NKAIN2: variants seen among roughly 807,000 people sequenced by gnomAD.
NKAIN2 encodes sodium/potassium transporting ATPase interacting 2, also known as sodium/potassium-transporting ATPase subunit beta-1-interacting protein 2.
Under a neutral mutation model 32.6 loss-of-function variants are expected in NKAIN2, and 14 were observed. That is an observed-to-expected ratio of 0.43 (90% CI 0.28 to 0.67). NKAIN2 has a LOEUF of 0.67. Among genes scored for constraint, NKAIN2 ranks in the 30% least tolerant of loss-of-function variants. The pLI is 0.17. For synonymous variants in NKAIN2, 80 were observed against 87.2 expected, an observed-to-expected ratio of 0.92 and a Z score of 0.46; for missense variants, 198 against 258.3, an observed-to-expected ratio of 0.77 and a Z score of 1.60.
chr6:124,278,031 TTTGA>T (rs1795120757), intron 1 of NKAIN2, among the ~76,000 whole-genome samples: 1 of 152,080 alleles, frequency 6.6e-6, no homozygotes, highest in Non-Finnish European at 1.5e-5. Context: ...TGGAAGAAAA[TTTGA>T]TTAAGAAATA....
At chr6:124,645,766 A>G (rs1435073018) in intron 3 of NKAIN2, among the ~76,000 whole-genome samples, 1 of 152,220 alleles carries the variant, frequency 6.6e-6, no homozygotes, top group African/African-American at 2.4e-5. Context: ...AAGAATAAAC[A>G]TAATAGAAAA....
At chr6:124,043,322 A>G (rs1427100708) in intron 1 of NKAIN2, among the ~76,000 whole-genome samples, 1 of 152,090 alleles carries the variant, frequency 6.6e-6, no homozygotes, top group Non-Finnish European at 1.5e-5. Context: ...TGACAGAGTG[A>G]AACTCTGTCT....
intron 3 of NKAIN2, among the ~76,000 whole-genome samples, chr6:124,413,813 T>G (rs1294950572): frequency 6.6e-6 from 1 of 152,184 alleles, no homozygotes; most frequent in Non-Finnish European, 1.5e-5. Flanking sequence ...AAATGGTATT[T>G]TTATTTCCAT....
intron 4 of NKAIN2, among the ~76,000 whole-genome samples, chr6:124,760,432 A>T (rs2114733594): frequency 6.9e-6 from 1 of 144,930 alleles, no homozygotes; most frequent in South Asian, 2.2e-4. Flanking sequence ...AAAAAAAAAT[A>T]GGCATCTCCT....
chr6:124,465,426 G>A (rs549547582), intron 3 of NKAIN2, among the ~76,000 whole-genome samples: 5 of 151,856 alleles, frequency 3.3e-5, no homozygotes, highest in African/African-American at 7.3e-5. Flanking sequence ...AGTGGGAGTC[G>A]AACAATGAGA....
Position 124,408,978 on chromosome 6 carries a change from T to C in NKAIN2, c.273+53631T>C, listed in dbSNP as rs557558576. On this transcript the variant is annotated intron_variant, in intron 3 of 6. Transcript: ENST00000368417. ...GAAGCAATTGTGAATGGGAGTTCAC[T>C]CATGATTTGGCTGTTTGTCTGTTAT... Among the ~76,000 whole-genome samples the C allele has an allele frequency of 2.0e-5, 3 of 152,326 alleles. No homozygotes were observed. In the South Asian group the frequency reaches 6.2e-4, roughly 32 times the overall value.
chr6:123,880,810 A>G (rs1176678169), intron 1 of NKAIN2, among the ~76,000 whole-genome samples: 1 of 152,186 alleles, frequency 6.6e-6, no homozygotes, highest in Non-Finnish European at 1.5e-5. Context: ...AGGTGTTTAA[A>G]ATTTTTCATC....
chr6:124,280,627 A>C (rs56255637), intron 1 of NKAIN2, among the ~76,000 whole-genome samples: 7,800 of 152,252 alleles, frequency 0.051, 249 homozygotes, highest in Admixed American at 0.081. Flanking sequence ...AAGCCCCAGC[A>C]TACAGTAGGT....
chr6:124,757,611 C>T (rs1778026933), intron 4 of NKAIN2, among the ~76,000 whole-genome samples: 2 of 151,652 alleles, frequency 1.3e-5, no homozygotes, highest in South Asian at 4.2e-4. Flanking sequence ...AGAATTAAAA[C>T]AGGCTTCTTT....
intron 3 of NKAIN2, among the ~76,000 whole-genome samples, chr6:124,534,956 C>T (rs993249370): frequency 3.9e-5 from 6 of 152,112 alleles, no homozygotes; most frequent in African/African-American, 7.2e-5. Context: ...ATAGTATTTG[C>T]GTATAACCTT....
intron 1 of NKAIN2, among the ~76,000 whole-genome samples, chr6:123,963,383 A>C (rs1354586441): frequency 6.6e-6 from 1 of 152,186 alleles, no homozygotes; most frequent in East Asian, 1.9e-4. Flanking sequence ...CACAGCTCAA[A>C]CGCCATTGGA....
intron 1 of NKAIN2, among the ~76,000 whole-genome samples, chr6:124,043,584 G>C (rs1281190035): frequency 6.6e-6 from 1 of 151,984 alleles, no homozygotes; most frequent in Non-Finnish European, 1.5e-5. Context: ...TATTCATTTT[G>C]AGAATATTTA....
intron 1 of NKAIN2, among the ~76,000 whole-genome samples, chr6:124,014,114 T>C: frequency 6.6e-6 from 1 of 152,210 alleles, no homozygotes; most frequent in East Asian, 1.9e-4. Flanking sequence ...TCATTGTTCC[T>C]TCCATTAAAC....
In NKAIN2 at chr6:124,502,372, G is replaced by A. The variant is rs1778325109; in HGVS notation, c.273+147025G>A. On this transcript the variant is annotated intron_variant, in intron 3 of 6. Transcript: ENST00000368417. ...TAAGTAATGTATTCAAAGAACAAAA[G>A]GATGTACAGTGAAAAGTCTTCCTGC... Among the ~76,000 whole-genome samples the A allele has an allele frequency of 6.6e-5, 10 of 152,232 alleles. No homozygotes were observed. The South Asian group carries it at 1.9e-3, about 28-fold the overall frequency.
intron 1 of NKAIN2, among the ~76,000 whole-genome samples, chr6:124,125,805 T>G (rs778874789): frequency 1.3e-5 from 2 of 152,254 alleles, no homozygotes; most frequent in South Asian, 4.1e-4. Flanking sequence ...GGAAAAAATC[T>G]ACTGTGTTTT....
At chr6:124,014,740 G>A (rs1241802422) in intron 1 of NKAIN2, among the ~76,000 whole-genome samples, 2 of 152,000 alleles carry the variant, frequency 1.3e-5, no homozygotes, top group African/African-American at 4.8e-5. Flanking sequence ...ATATCTTGCT[G>A]CCAAACATTT....
At chr6:124,266,827 T>C (rs1794513868) in intron 1 of NKAIN2, among the ~76,000 whole-genome samples, 1 of 152,186 alleles carries the variant, frequency 6.6e-6, no homozygotes, top group African/African-American at 2.4e-5. Context: ...TGGATATAGA[T>C]ATAAACATGT....
chr6:124,071,946 C>G (rs906872305), intron 1 of NKAIN2, among the ~76,000 whole-genome samples: 5 of 152,070 alleles, frequency 3.3e-5, no homozygotes, highest in African/African-American at 1.2e-4. Context: ...AACACAAGTA[C>G]CATTCCAAGT....
At chr6:124,730,864 G>GA (rs1413676649) in intron 4 of NKAIN2, among the ~76,000 whole-genome samples, 3 of 143,714 alleles carry the variant, frequency 2.1e-5, no homozygotes, top group Non-Finnish European at 3.0e-5. Flanking sequence ...AAATTTACAA[G>GA]AAAAAAACAA....
Sources: allele counts gnomAD v4.1 joint callset (sites outside exome capture counted in the v4.1 genomes callset), GRCh38; gene constraint gnomAD v4.1.1; transcripts MANE v1.5; gene names NCBI Gene and HGNC (gene_info 2026-07-23, HGNC 2026-07-21).